Variants in KDM6A observed in about 807,000 individuals in gnomAD.
The protein encoded by KDM6A is lysine demethylase 6A, also known as lysine-specific demethylase 6A.
A neutral mutation model predicts 117.6 loss-of-function variants in KDM6A; 11 were observed. That is an observed-to-expected ratio of 0.09 (90% confidence interval 0.06 to 0.15). The LOEUF (loss-of-function observed/expected upper bound fraction) is 0.15. Among genes scored for constraint, KDM6A ranks in the 10% least tolerant of loss-of-function variants. The pLI, the probability that KDM6A is intolerant of heterozygous loss-of-function variation, is 1.00. For missense variants in KDM6A, 799 were observed against 1,077.3 expected, an observed-to-expected ratio of 0.74 and a Z score of 3.62; for synonymous variants, 384 against 396.1, an observed-to-expected ratio of 0.97 and a Z score of 0.36.
At chrX:44,941,945 C>T (rs763264962) in intron 2 of KDM6A, among the ~76,000 whole-genome samples, 3 of 110,913 alleles carry the variant, frequency 2.7e-5, no homozygotes, top group South Asian at 7.6e-4. Context: ...ATTATTATCA[C>T]ACCTTCATGA....
chrX:45,056,081 T>A (rs1220696928), intron 10 of KDM6A, among the ~76,000 whole-genome samples: 2 of 111,273 alleles, frequency 1.8e-5, no homozygotes, highest in African/African-American at 6.5e-5. Context: ...TCTTTTTGGG[T>A]AAATTTTTCC....
chrX:45,078,764 G>A (rs1021955662), intron 20 of KDM6A, among the ~76,000 whole-genome samples: 10 of 109,981 alleles, frequency 9.1e-5, no homozygotes, highest in African/African-American at 3.3e-4. Context: ...TATTACTTTG[G>A]TCCGTTTACA....
At chrX:44,896,673 G>T (rs2033891208) in intron 2 of KDM6A, among the ~76,000 whole-genome samples, 1 of 99,768 alleles carries the variant, frequency 1.0e-5, no homozygotes. Context: ...TTTCAGGGTA[G>T]GTTTGCTAGC....
intron 3 of KDM6A, among the ~76,000 whole-genome samples, chrX:44,968,606 G>C (rs990156396): frequency 1.8e-5 from 2 of 112,704 alleles, no homozygotes; most frequent in African/African-American, 6.5e-5. Flanking sequence ...TAGAAAATAA[G>C]TGTAAATATC....
intron 6 of KDM6A, among the ~76,000 whole-genome samples, chrX:45,032,631 A>G (rs953567242): frequency 9.0e-6 from 1 of 111,027 alleles, no homozygotes; most frequent in African/African-American, 3.3e-5. Flanking sequence ...TTGTATTTTT[A>G]GTAGAGATGG....
At chrX:45,068,357 TATC>T (rs1327309974) in intron 17 of KDM6A, among the ~76,000 whole-genome samples, 2 of 110,605 alleles carry the variant, frequency 1.8e-5, no homozygotes, top group African/African-American at 6.6e-5. Flanking sequence ...TAGTTCCAGT[TATC>T]ATATTTTCAT....
chrX:45,061,085 G>C (rs2044267366), intron 14 of KDM6A, among the ~76,000 whole-genome samples: 1 of 111,145 alleles, frequency 9.0e-6, no homozygotes, highest in Non-Finnish European at 1.9e-5. Context: ...AGCCGTTTGG[G>C]CCATAGTTTG....
At chrX:45,040,864 CG>C (rs2043122514) in intron 8 of KDM6A, among the ~76,000 whole-genome samples, 1 of 76,292 alleles carries the variant, frequency 1.3e-5, no homozygotes. Context: ...GCTGGCCGGG[CG>C]GGGGGCTGAC....
chrX:45,039,655 C>T (rs7055316), intron 8 of KDM6A, among the ~76,000 whole-genome samples: 26 of 75,894 alleles, frequency 3.4e-4, no homozygotes, highest in African/African-American at 1.1e-3. Context: ...GAGGACCCTG[C>T]GGCCTTCCGC....
At chrX:44,895,482 T>C (rs2033769501) in intron 2 of KDM6A, among the ~76,000 whole-genome samples, 1 of 102,939 alleles carries the variant, frequency 9.7e-6, no homozygotes, top group African/African-American at 3.5e-5. Flanking sequence ...TTTATTCTGC[T>C]GTTCTCCTGG....
chrX:45,033,065 T>TGGCTCAGTTTCAA, intron 6 of KDM6A, among the ~76,000 whole-genome samples: 1 of 112,124 alleles, frequency 8.9e-6, no homozygotes, highest in Middle Eastern at 4.6e-3. Flanking sequence ...TTTCAGTTTG[T>TGGCTCAGTTTCAA]ACCCTTTGAT....
At chrX:45,050,763 G>C (rs1246533389) in intron 8 of KDM6A, among the ~76,000 whole-genome samples, 1 of 110,575 alleles carries the variant, frequency 9.0e-6, no homozygotes, top group African/African-American at 3.3e-5. Flanking sequence ...TAGCAATAAA[G>C]AGTTTCAGTT....
chrX:44,994,042 T>G (rs2040749177), intron 4 of KDM6A, among the ~76,000 whole-genome samples: 1 of 111,996 alleles, frequency 8.9e-6, no homozygotes, highest in Non-Finnish European at 1.9e-5. Context: ...CATCTACATT[T>G]GGTTTTAGAG....
At chrX:44,954,645 G>A (rs1432975289) in intron 2 of KDM6A, among the ~76,000 whole-genome samples, 1 of 111,354 alleles carries the variant, frequency 9.0e-6, no homozygotes, top group African/African-American at 3.3e-5. Flanking sequence ...GGAGTAGAGT[G>A]GGCTTTGTGT....
rs139936382 is a variant in KDM6A, at chrX:45,022,612, A to G, written c.564+1882A>G. On this transcript the variant is annotated intron_variant, in intron 6 of 29. Coordinates refer to ENST00000611820, the MANE Select transcript of KDM6A (RefSeq NM_001291415.2). ...ATTACTAAAGTGCTTAGCATTCAGA[A>G]TGAGTGAAGGTAGGAATAGAAGGAA... Among the ~76,000 whole-genome samples the G allele has an allele frequency of 9.5e-4, 106 of 112,020 alleles. No homozygotes were observed. In the East Asian group the frequency reaches 0.018, roughly 19 times the overall value.
intron 2 of KDM6A, among the ~76,000 whole-genome samples, chrX:44,956,097 CTAAG>C (rs756517290): frequency 9.0e-6 from 1 of 110,524 alleles, no homozygotes; most frequent in East Asian, 2.8e-4. Flanking sequence ...ATCTTCTCAT[CTAAG>C]TGACTGCTTT....
At chrX:44,916,879 C>T (rs956129599) in intron 2 of KDM6A, among the ~76,000 whole-genome samples, 1 of 110,563 alleles carries the variant, frequency 9.0e-6, no homozygotes, top group African/African-American at 3.3e-5. Context: ...CTCTTGGGCA[C>T]AAGCGATCCT....
chrX:44,989,377 C>T (rs936370886), intron 4 of KDM6A, among the ~76,000 whole-genome samples: 4 of 107,580 alleles, frequency 3.7e-5, no homozygotes, highest in African/African-American at 6.8e-5. Context: ...CGCCCTGCTT[C>T]GGCTCACGCT....
chrX:44,927,213 C>G (rs1014874128), intron 2 of KDM6A, among the ~76,000 whole-genome samples: 1 of 110,689 alleles, frequency 9.0e-6, no homozygotes, highest in East Asian at 2.8e-4. Flanking sequence ...TCAAAAAAAT[C>G]CTATAAAGTT....
Sources: gnomAD v4.1 joint callset for allele counts (sites outside exome capture counted in the v4.1 genomes callset) on GRCh38, gnomAD v4.1.1 for gene constraint, MANE v1.5 for transcripts, NCBI Gene and HGNC (gene_info 2026-07-23, HGNC 2026-07-21) for gene names.